The following GARIN4 variants were observed in gnomAD, a reference collection of about 807,000 sequenced individuals.
GARIN4 encodes Golgi-associated RAB2 interactor protein 4.
At chr1:212,625,653 T>A in the GARIN4 span, 1 of 1,614,068 alleles carries the variant, frequency 6.2e-7, no homozygotes, top group East Asian at 2.2e-5. Context: ...AATGCATCCA[T>A]CCCCAAAACA....
At chr1:212,626,440 G>A in the GARIN4 span, 2 of 1,614,210 alleles carry the variant, frequency 1.2e-6, no homozygotes, top group Non-Finnish European at 1.7e-6. Context: ...GTTCCAGCAA[G>A]GGACTTGGCA....
chr1:212,624,727 T>TG, the GARIN4 span: 1 of 1,392,598 alleles, frequency 7.2e-7, no homozygotes, highest in Admixed American at 3.1e-5. Flanking sequence ...GAGGCAACAG[T>TG]GGGGGCCTGT....
chr1:212,625,685 C>T, the GARIN4 span: 11 of 1,614,104 alleles, frequency 6.8e-6, no homozygotes, highest in African/African-American at 1.1e-4. Flanking sequence ...TGCTGAGGAG[C>T]CAGCAACAGG....
chr1:212,624,886 T>A, the GARIN4 span: 1 of 1,584,352 alleles, frequency 6.3e-7, no homozygotes, highest in East Asian at 2.2e-5. Context: ...CCATGAATGC[T>A]GATTTTCTGC....
the GARIN4 span, chr1:212,626,143 G>C: frequency 1.9e-6 from 3 of 1,614,220 alleles, no homozygotes; most frequent in South Asian, 1.1e-5. Context: ...GCTGCAAGGA[G>C]GGGAGGGAAA....
At chr1:212,625,676 G>A in the GARIN4 span, 1 of 1,614,132 alleles carries the variant, frequency 6.2e-7, no homozygotes, top group Non-Finnish European at 8.5e-7. Context: ...TACAGAACTT[G>A]CTGAGGAGCC....
the GARIN4 span, chr1:212,625,948 C>T: frequency 1.3e-3 from 2,119 of 1,614,212 alleles, 31 homozygotes; most frequent in African/African-American, 0.024. Flanking sequence ...ATGTTTCCAG[C>T]GCATCCATGA....
chr1:212,626,620 GA>G, the GARIN4 span: 69 of 1,612,008 alleles, frequency 4.3e-5, no homozygotes, highest in Non-Finnish European at 5.9e-5. Flanking sequence ...TTGGTTCTAT[GA>G]CACCGGACAT....
chr1:212,625,864 T>TGCAG, the GARIN4 span: 2 of 1,614,238 alleles, frequency 1.2e-6, no homozygotes, highest in South Asian at 2.2e-5. Context: ...ACATGGCCCT[T>TGCAG]GCAGGCACTG....
the GARIN4 span, chr1:212,625,486 G>T: frequency 1.9e-6 from 3 of 1,614,198 alleles, no homozygotes; most frequent in Non-Finnish European, 2.5e-6. Flanking sequence ...AAGACAGGAG[G>T]AGCCTGGGAG....
the GARIN4 span, chr1:212,624,988 C>A: frequency 6.2e-7 from 1 of 1,613,972 alleles, no homozygotes; most frequent in South Asian, 1.1e-5. Flanking sequence ...AGGGGGAGTA[C>A]GATATATTCA....
the GARIN4 span, chr1:212,625,145 C>T: frequency 1.7e-4 from 280 of 1,614,138 alleles, 1 homozygote; most frequent in African/African-American, 3.2e-3. Flanking sequence ...GCTACTGGCA[C>T]GACCGGCCAC....
At chr1:212,624,802 C>A in the GARIN4 span, 1 of 1,458,520 alleles carries the variant, frequency 6.9e-7, no homozygotes, top group Non-Finnish European at 9.0e-7. Context: ...CACCACTGGT[C>A]CCTCATCTGC....
chr1:212,624,981 G>A, the GARIN4 span: 2 of 1,614,172 alleles, frequency 1.2e-6, no homozygotes, highest in Non-Finnish European at 1.7e-6. Context: ...CTGTACAAGG[G>A]GGAGTACGAT....
the GARIN4 span, chr1:212,624,783 A>G: frequency 2.1e-6 from 3 of 1,442,496 alleles, no homozygotes; most frequent in Non-Finnish European, 2.7e-6. Context: ...CATCTTTGTG[A>G]CCCAGGAGCA....
chr1:212,626,352 G>A, the GARIN4 span: 13 of 1,614,064 alleles, frequency 8.1e-6, no homozygotes, highest in African/African-American at 1.3e-5. Flanking sequence ...TCGCATAAAG[G>A]TGTCAGCCAC....
the GARIN4 span, chr1:212,625,385 C>G: frequency 1.2e-6 from 2 of 1,614,230 alleles, no homozygotes; most frequent in African/African-American, 2.7e-5. Context: ...TTGGGAAAAA[C>G]TAATTTACCT....
the GARIN4 span, chr1:212,626,474 G>A: frequency 1.5e-5 from 24 of 1,614,064 alleles, no homozygotes; most frequent in South Asian, 8.8e-5. Flanking sequence ...CCTGAGGAAC[G>A]TCAGAGCCAA....
the GARIN4 span, chr1:212,625,236 G>A: frequency 1.2e-6 from 2 of 1,614,136 alleles, no homozygotes; most frequent in South Asian, 2.2e-5. Flanking sequence ...GAGCTCACCA[G>A]GCTTCTGCCC....
Sources: gnomAD v4.1 joint callset for allele counts on GRCh38, gnomAD v4.1.1 for gene constraint, MANE v1.5 for transcripts, NCBI Gene and HGNC (gene_info 2026-07-23, HGNC 2026-07-21) for gene names.